The following BMPR1A variants were observed in gnomAD, a reference collection of about 807,000 sequenced individuals.
BMPR1A encodes the protein bone morphogenetic protein receptor type 1A, also known as bone morphogenetic protein receptor type-1A.
In BMPR1A, 7 loss-of-function variants were observed where a neutral mutation model predicts 66.0. The observed-to-expected ratio is 0.11, with a 90% CI of 0.06 to 0.20. The LOEUF (loss-of-function observed/expected upper bound fraction) is 0.20. Among genes scored for constraint, BMPR1A ranks in the 10% least tolerant of loss-of-function variants. The probability of loss-of-function intolerance (pLI) is 1.00; values close to 1 mark genes in which losing one functional copy is unlikely to be tolerated. For synonymous variants in BMPR1A, 200 were observed against 229.7 expected, an observed-to-expected ratio of 0.87 and a Z score of 1.17; for missense variants, 408 against 669.1, an observed-to-expected ratio of 0.61 and a Z score of 4.31.
At chr10:86,757,837 G>A (rs2132561410) in intron 1 of BMPR1A, among the ~76,000 whole-genome samples, 1 of 152,258 alleles carries the variant, frequency 6.6e-6, no homozygotes, top group Non-Finnish European at 1.5e-5. Context: ...GCTGGGATTT[G>A]AACCCAGGAA....
intron 2 of BMPR1A, among the ~76,000 whole-genome samples, chr10:86,867,008 A>G (rs1842795338): frequency 6.6e-6 from 1 of 152,230 alleles, no homozygotes; most frequent in Admixed American, 6.5e-5. Flanking sequence ...GATGCTAAGC[A>G]GGTACCATTA....
intron 7 of BMPR1A, among the ~76,000 whole-genome samples, chr10:86,901,360 A>G (rs1843307815): frequency 6.6e-6 from 1 of 152,252 alleles, no homozygotes; most frequent in Non-Finnish European, 1.5e-5. Context: ...ACAGTATTGG[A>G]TAATCCAGTG....
intron 1 of BMPR1A, among the ~76,000 whole-genome samples, chr10:86,778,927 C>CTTTTTTTT (rs34496927): frequency 8.4e-6 from 1 of 118,494 alleles, no homozygotes; most frequent in Non-Finnish European, 1.8e-5. Flanking sequence ...TATGTATTTT[C>CTTTTTTTT]TTTTTTTTTT....
chr10:86,856,309 G>T (rs539364724), intron 2 of BMPR1A: 9 of 475,648 alleles, frequency 1.9e-5, no homozygotes, highest in Non-Finnish European at 3.7e-5. Flanking sequence ...AATGGTGGGA[G>T]CCCTGGCCCT....
At chr10:86,811,661 A>G (rs1319238422) in intron 1 of BMPR1A, among the ~76,000 whole-genome samples, 1 of 152,132 alleles carries the variant, frequency 6.6e-6, no homozygotes, top group Non-Finnish European at 1.5e-5. Context: ...GGCAGTCAGT[A>G]TGCTATTATA....
chr10:86,904,569 C>A (rs1202256257), intron 7 of BMPR1A, among the ~76,000 whole-genome samples: 1 of 152,142 alleles, frequency 6.6e-6, no homozygotes, highest in African/African-American at 2.4e-5. Flanking sequence ...GAACCCCGCC[C>A]CCTTAGACCT....
intron 7 of BMPR1A, among the ~76,000 whole-genome samples, chr10:86,909,688 G>C (rs1476525468): frequency 2.0e-5 from 3 of 152,164 alleles, no homozygotes; most frequent in Admixed American, 2.0e-4. Context: ...TGGATAGGAG[G>C]AGGAGAGGAG....
intron 2 of BMPR1A, among the ~76,000 whole-genome samples, chr10:86,861,937 A>G (rs1842717813): frequency 6.6e-6 from 1 of 152,220 alleles, no homozygotes; most frequent in Admixed American, 6.5e-5. Flanking sequence ...GTTTGTATAT[A>G]AAAGTGAAAG....
intron 5 of BMPR1A, among the ~76,000 whole-genome samples, chr10:86,896,059 C>T (rs940008385): frequency 2.0e-5 from 3 of 151,666 alleles, no homozygotes; most frequent in African/African-American, 7.3e-5. Context: ...GAGGCTGAGG[C>T]AGGAGAATCG....
chr10:86,777,688 T>C (rs1020195252), intron 1 of BMPR1A, among the ~76,000 whole-genome samples: 2 of 152,130 alleles, frequency 1.3e-5, no homozygotes, highest in Non-Finnish European at 2.9e-5. Context: ...TAGAACTTTT[T>C]TTTTGTTCTC....
chr10:86,760,535 CT>C (rs1318446850), intron 1 of BMPR1A, among the ~76,000 whole-genome samples: 1 of 151,980 alleles, frequency 6.6e-6, no homozygotes, highest in East Asian at 1.9e-4. Flanking sequence ...TGTGGCTGGC[CT>C]TTATAGCAGT....
At chr10:86,784,972 A>G (rs1171271858) in intron 1 of BMPR1A, among the ~76,000 whole-genome samples, 5 of 152,100 alleles carry the variant, frequency 3.3e-5, no homozygotes, top group South Asian at 2.1e-4. Context: ...ATTTACTGCT[A>G]TAAACTTCCC....
chr10:86,928,844 C>T (rs1028174789), downstream of BMPR1A: 1 of 150,174 alleles, frequency 6.7e-6, no homozygotes, highest in Non-Finnish European at 1.5e-5. Flanking sequence ...AGTAGAGATG[C>T]GGTTTCACCA....
intron 9 of BMPR1A, among the ~76,000 whole-genome samples, chr10:86,917,693 C>T (rs894769062): frequency 3.3e-5 from 5 of 152,170 alleles, no homozygotes; most frequent in Non-Finnish European, 7.3e-5. Context: ...TTTCATTGTA[C>T]GTTCTGTGTT....
At chr10:86,772,542 A>G (rs1217280248) in intron 1 of BMPR1A, among the ~76,000 whole-genome samples, 1 of 152,178 alleles carries the variant, frequency 6.6e-6, no homozygotes, top group Non-Finnish European at 1.5e-5. Context: ...CATAGAATAA[A>G]TTAAAACCTA....
chr10:86,826,043 T>G (rs1842188756), intron 1 of BMPR1A, among the ~76,000 whole-genome samples: 1 of 152,216 alleles, frequency 6.6e-6, no homozygotes, highest in Non-Finnish European at 1.5e-5. Context: ...ACTAACTCAG[T>G]GGCTCACTTG....
At chr10:86,893,327 G>C (rs1316604407) in intron 5 of BMPR1A, among the ~76,000 whole-genome samples, 1 of 152,160 alleles carries the variant, frequency 6.6e-6, no homozygotes, top group East Asian at 1.9e-4. Context: ...AATAGTTTAT[G>C]AGCATCCTGA....
At chr10:86,905,018 G>A (rs1589285130) in intron 7 of BMPR1A, among the ~76,000 whole-genome samples, 2 of 152,140 alleles carry the variant, frequency 1.3e-5, no homozygotes, top group Non-Finnish European at 2.9e-5. Flanking sequence ...ATAGCAAACC[G>A]TAAAAGAATA....
chr10:86,830,017 G>A (rs984113774), intron 1 of BMPR1A, among the ~76,000 whole-genome samples: 1 of 151,938 alleles, frequency 6.6e-6, no homozygotes, highest in Non-Finnish European at 1.5e-5. Context: ...CTACAATAGT[G>A]TCTTACAGTG....
Sources: allele counts gnomAD v4.1 joint callset (sites outside exome capture counted in the v4.1 genomes callset), GRCh38; gene constraint gnomAD v4.1.1; transcripts MANE v1.5; gene names NCBI Gene and HGNC (gene_info 2026-07-23, HGNC 2026-07-21).